Variants in CNTNAP2 observed in about 807,000 individuals in gnomAD.
CNTNAP2 encodes contactin associated protein 2, also known as contactin-associated protein-like 2.
A neutral mutation model predicts 155.2 loss-of-function variants in CNTNAP2; 98 were observed. That is an observed-to-expected ratio of 0.63 (90% CI 0.54 to 0.75). CNTNAP2 has a LOEUF of 0.75. Ranked by LOEUF, CNTNAP2 falls within the 30% of genes least tolerant of loss-of-function variation. The pLI is 0.00. For synonymous variants in CNTNAP2, 651 were observed against 631.2 expected, an observed-to-expected ratio of 1.03 and a Z score of -0.47; for missense variants, 1,727 against 1,688.1, an observed-to-expected ratio of 1.02 and a Z score of -0.40.
At chr7:148,390,393 G>A (rs953418458) in intron 22 of CNTNAP2, among the ~76,000 whole-genome samples, 7 of 152,188 alleles carry the variant, frequency 4.6e-5, no homozygotes, top group African/African-American at 1.7e-4. Flanking sequence ...ACTGTGTTTT[G>A]AATTGGCTGC....
At chr7:147,289,427 T>A (rs879808542) in intron 8 of CNTNAP2, among the ~76,000 whole-genome samples, 3 of 146,096 alleles carry the variant, frequency 2.1e-5, no homozygotes. Flanking sequence ...GGAGAGACAA[T>A]TGGGGAGAGT....
At chr7:146,431,284 A>G (rs1796169282) in intron 1 of CNTNAP2, among the ~76,000 whole-genome samples, 1 of 151,982 alleles carries the variant, frequency 6.6e-6, no homozygotes, top group Non-Finnish European at 1.5e-5. Flanking sequence ...ATCTTTGAAA[A>G]TTTATCATGC....
intron 1 of CNTNAP2, among the ~76,000 whole-genome samples, chr7:146,340,547 T>A (rs1801365081): frequency 6.6e-6 from 1 of 152,008 alleles, no homozygotes; most frequent in Admixed American, 6.6e-5. Flanking sequence ...ATTGCATGGG[T>A]CTTACTAAAA....
chr7:148,022,557 T>C (rs1398332512), intron 15 of CNTNAP2, among the ~76,000 whole-genome samples: 1 of 152,116 alleles, frequency 6.6e-6, no homozygotes, highest in South Asian at 2.1e-4. Context: ...ATAGTCTTAG[T>C]GACCATGGCT....
At chr7:148,062,017 G>T (rs1015160150) in intron 15 of CNTNAP2, among the ~76,000 whole-genome samples, 1 of 136,980 alleles carries the variant, frequency 7.3e-6, no homozygotes, top group Non-Finnish European at 1.5e-5. Context: ...ATGATAGAGA[G>T]AGAGAGAGAG....
At chr7:146,910,999 A>G (rs1033250497) in intron 3 of CNTNAP2, among the ~76,000 whole-genome samples, 1 of 151,804 alleles carries the variant, frequency 6.6e-6, no homozygotes, top group African/African-American at 2.4e-5. Flanking sequence ...GGCGAAGGAC[A>G]TGAACAGACA....
intron 3 of CNTNAP2, among the ~76,000 whole-genome samples, chr7:146,944,397 A>T (rs533648611): frequency 7.2e-5 from 11 of 152,228 alleles, no homozygotes; most frequent in African/African-American, 2.6e-4. Flanking sequence ...CATATGGTAT[A>T]TTGAATCTTA....
In CNTNAP2 at chr7:147,291,855, C is replaced by T. The variant is rs529345487; in HGVS notation, c.1349-8286C>T. On this transcript the variant is annotated intron_variant, in intron 8 of 23. Coordinates refer to ENST00000361727, the MANE Select transcript of CNTNAP2 (RefSeq NM_014141.6). ...ATTATATATCATGGTTTTGGTTTCCCTGATGACTAATAATATAAAGCACTT... is the reference window on the plus strand; with the variant it reads ...ATTATATATCATGGTTTTGGTTTCCTTGATGACTAATAATATAAAGCACTT... Among the ~76,000 whole-genome samples, 75 of 152,198 alleles carry T rather than the reference C, an allele frequency of 4.9e-4. 1 individual carries two copies. The highest frequency in any genetic ancestry group is 4.8e-3 in the South Asian group (23 of 4,826).
chr7:147,900,098 A>G (rs912147749), intron 13 of CNTNAP2, among the ~76,000 whole-genome samples: 8 of 152,144 alleles, frequency 5.3e-5, no homozygotes, highest in Non-Finnish European at 1.0e-4. Flanking sequence ...AGACTTCACT[A>G]TGAAATCTGA....
intron 1 of CNTNAP2, among the ~76,000 whole-genome samples, chr7:146,117,477 C>A (rs934956599): frequency 3.3e-5 from 5 of 152,004 alleles, no homozygotes; most frequent in Non-Finnish European, 7.4e-5. Flanking sequence ...AAGTTAATGC[C>A]CATTTAGTAC....
intron 12 of CNTNAP2, among the ~76,000 whole-genome samples, chr7:147,589,541 T>A (rs1306049198): frequency 5.9e-5 from 9 of 152,162 alleles, no homozygotes; most frequent in African/African-American, 2.2e-4. Context: ...GTACTTTGCA[T>A]AGTTTTATGG....
intron 21 of CNTNAP2, among the ~76,000 whole-genome samples, chr7:148,323,311 T>C (rs1797832575): frequency 7.1e-6 from 1 of 140,124 alleles, no homozygotes; most frequent in African/African-American, 2.5e-5. Flanking sequence ...TTTTTTTTTT[T>C]TTTTTTTTTT....
chr7:147,183,885 C>A (rs1802514925), intron 8 of CNTNAP2, among the ~76,000 whole-genome samples: 1 of 152,076 alleles, frequency 6.6e-6, no homozygotes, highest in Non-Finnish European at 1.5e-5. Context: ...AAAGTGGTGC[C>A]TACTATAGTT....
At chr7:147,433,155 C>T (rs1797493701) in intron 10 of CNTNAP2, among the ~76,000 whole-genome samples, 1 of 152,186 alleles carries the variant, frequency 6.6e-6, no homozygotes, top group African/African-American at 2.4e-5. Context: ...AATCTTTCCC[C>T]TGTGTCGTGA....
At chr7:148,057,249 A>C (rs1475264110) in intron 15 of CNTNAP2, among the ~76,000 whole-genome samples, 1 of 151,946 alleles carries the variant, frequency 6.6e-6, no homozygotes, top group Non-Finnish European at 1.5e-5. Flanking sequence ...AGGAGGGTGC[A>C]CAAGTAGCCA....
chr7:147,066,436 T>G (rs1159775612), intron 4 of CNTNAP2, among the ~76,000 whole-genome samples: 1 of 152,236 alleles, frequency 6.6e-6, no homozygotes, highest in Non-Finnish European at 1.5e-5. Flanking sequence ...CTTTCCTTTT[T>G]ATAAAACTAA....
intron 8 of CNTNAP2, among the ~76,000 whole-genome samples, chr7:147,142,392 A>G (rs1453874640): frequency 6.6e-6 from 1 of 152,104 alleles, no homozygotes; most frequent in Non-Finnish European, 1.5e-5. Flanking sequence ...ATTTTCTTAT[A>G]TTGAACCAGC....
chr7:148,046,301 A>C (rs1019552512), intron 15 of CNTNAP2, among the ~76,000 whole-genome samples: 1 of 152,162 alleles, frequency 6.6e-6, no homozygotes, highest in Non-Finnish European at 1.5e-5. Flanking sequence ...GCTGCTGAGC[A>C]ATTATAGTAC....
intron 15 of CNTNAP2, among the ~76,000 whole-genome samples, chr7:148,049,426 T>G (rs1037894196): frequency 1.5e-5 from 2 of 134,828 alleles, no homozygotes; most frequent in Non-Finnish European, 3.2e-5. Context: ...CCTGCTAATA[T>G]ATTTCTAAGA....
Sources: allele counts gnomAD v4.1 joint callset (sites outside exome capture counted in the v4.1 genomes callset), GRCh38; gene constraint gnomAD v4.1.1; transcripts MANE v1.5; gene names NCBI Gene and HGNC (gene_info 2026-07-23, HGNC 2026-07-21).